The following WASF2 variants were observed in gnomAD, a reference collection of about 807,000 sequenced individuals.
The protein encoded by WASF2 is actin-binding protein WASF2.
In WASF2, 14 loss-of-function variants were observed where a neutral mutation model predicts 45.0. That is an observed-to-expected ratio of 0.31 (90% confidence interval 0.21 to 0.49). The LOEUF (loss-of-function observed/expected upper bound fraction) is 0.49, where lower values mean the gene tolerates loss of function less well. Among genes scored for constraint, WASF2 ranks in the 20% least tolerant of loss-of-function variants. The pLI, the probability that WASF2 is intolerant of heterozygous loss-of-function variation, is 0.99. For synonymous variants in WASF2, 200 were observed against 236.3 expected, an observed-to-expected ratio of 0.85 and a Z score of 1.41; for missense variants, 439 against 636.1, an observed-to-expected ratio of 0.69 and a Z score of 3.33.
At chr1:27,451,101 A>G (rs2017378455) in intron 1 of WASF2, among the ~76,000 whole-genome samples, 1 of 152,150 alleles carries the variant, frequency 6.6e-6, no homozygotes, top group African/African-American at 2.4e-5. Flanking sequence ...GTAATATACA[A>G]TTATTTGTTC....
intron 1 of WASF2, among the ~76,000 whole-genome samples, chr1:27,442,562 T>C (rs1303843461): frequency 1.4e-5 from 2 of 146,588 alleles, no homozygotes; most frequent in Non-Finnish European, 3.0e-5. Context: ...AAAGTTAAAA[T>C]TAAAAATAAA....
At chr1:27,467,324 T>C (rs2017628030) in intron 1 of WASF2, among the ~76,000 whole-genome samples, 1 of 149,506 alleles carries the variant, frequency 6.7e-6, no homozygotes, top group East Asian at 1.9e-4. Flanking sequence ...TTTCTGTTTT[T>C]TTTTTTTGAG....
chr1:27,405,827 G>A lies in WASF2; in HGVS notation c.*2362C>T, dbSNP rs886307111. 4 of 152,584 alleles carry A rather than the reference G, an allele frequency of 2.6e-5. No individual in the cohort carries two copies. Among genetic ancestry groups the A allele is most frequent in the African/African-American group, 9.6e-5 (4 of 41,494 alleles). 9.5% of individuals were successfully genotyped at this position (152,584 alleles called of 1,614,324 possible). ...ATCATTACCAAACCAACTGTAGGAT[G>A]AGAACATAGCACATCGAAACCCTAG... On this transcript the variant is annotated 3_prime_UTR_variant, in exon 9 of 9. Coordinates refer to ENST00000618852, the MANE Select transcript of WASF2 (RefSeq NM_006990.5).
At chr1:27,459,973 T>TA (rs1346753108) in intron 1 of WASF2, among the ~76,000 whole-genome samples, 1 of 152,226 alleles carries the variant, frequency 6.6e-6, no homozygotes, top group Non-Finnish European at 1.5e-5. Flanking sequence ...AGAACAGTGT[T>TA]ACTGCAAATA....
chr1:27,462,980 T>C (rs944167121), intron 1 of WASF2, among the ~76,000 whole-genome samples: 2 of 151,978 alleles, frequency 1.3e-5, no homozygotes, highest in African/African-American at 4.8e-5. Context: ...CCACCATGCC[T>C]GGCTAATTTT....
At chr1:27,463,804 ATT>A (rs1553151290) in intron 1 of WASF2, among the ~76,000 whole-genome samples, 5 of 137,160 alleles carry the variant, frequency 3.6e-5, no homozygotes, top group Non-Finnish European at 4.7e-5. Flanking sequence ...TATTATTATT[ATT>A]TTTTTTTTTT....
At chr1:27,453,431 A>G (rs900845139) in intron 1 of WASF2, among the ~76,000 whole-genome samples, 1 of 151,716 alleles carries the variant, frequency 6.6e-6, no homozygotes, top group Non-Finnish European at 1.5e-5. Flanking sequence ...GTGTCCACTA[A>G]AAATACAAAA....
intron 1 of WASF2, among the ~76,000 whole-genome samples, chr1:27,474,177 T>C (rs910543372): frequency 1.3e-5 from 2 of 152,174 alleles, no homozygotes; most frequent in Non-Finnish European, 2.9e-5. Context: ...TGGCCATGAG[T>C]TGATACTTGT....
chr1:27,472,617 TCCAGCCTGGGTGACA>T (rs1477597557), intron 1 of WASF2, among the ~76,000 whole-genome samples: 2 of 114,728 alleles, frequency 1.7e-5, no homozygotes, highest in Non-Finnish European at 3.2e-5. Flanking sequence ...ACTCCAGCAC[TCCAGCCTGGGTGACA>T]CAGTGAAACC....
chr1:27,450,627 A>G (rs1416446579), intron 1 of WASF2, among the ~76,000 whole-genome samples: 2 of 152,046 alleles, frequency 1.3e-5, no homozygotes, highest in Non-Finnish European at 2.9e-5. Flanking sequence ...CAGCCTCCTG[A>G]GTAGCTGGGA....
At chr1:27,415,875 C>G in intron 5 of WASF2, 110 bp downstream of exon 5, 4 of 886,620 alleles carry the variant, frequency 4.5e-6, no homozygotes, top group Non-Finnish European at 7.1e-6. Flanking sequence ...ACCTGGCATC[C>G]AAGCAAGCAG....
Position 27,405,135 on chromosome 1 carries a change from T to G in WASF2, c.*3054A>C, listed in dbSNP as rs2016647557. 6.6e-6 allele frequency: 1 copy of G among 152,170 alleles called. No individual in the cohort carries two copies. The highest frequency in any genetic ancestry group is 1.5e-5 in the Non-Finnish European group (1 of 68,060). 9.4% of individuals were successfully genotyped at this position (152,170 alleles called of 1,614,324 possible). A position where few individuals can be genotyped will look rare whatever the true frequency, so the allele number is the denominator to read the frequency against. ...AGAGGATGGGCGCCACGGGAAGAGATTTCACATTAGCCGTGACAACACCGC... is the reference window on the plus strand; with the variant it reads ...AGAGGATGGGCGCCACGGGAAGAGAGTTCACATTAGCCGTGACAACACCGC... On this transcript the variant is annotated 3_prime_UTR_variant, in exon 9 of 9. Coordinates refer to ENST00000618852, the MANE Select transcript of WASF2 (RefSeq NM_006990.5).
chr1:27,412,652 T>C lies in WASF2; in HGVS notation c.744A>G (p.Pro248=), dbSNP rs143365447. The change falls in exon 7 of 9, where the codon CCA becomes CCG. Residue 248 remains proline (P), a synonymous_variant. Transcript: ENST00000618852. ...AAGAAGCAGAGTCTGACTGTGGTGGTGGCGGATAGCTACTTGCATCCACGT... is the reference window on the plus strand; with the variant it reads ...AAGAAGCAGAGTCTGACTGTGGTGGCGGCGGATAGCTACTTGCATCCACGT... ...VENVDASSYP[P]PPQSDSASSP... The C allele has an allele frequency of 3.5e-5, 56 of 1,614,114 alleles. No homozygotes were observed. The African/African-American group carries it at 6.4e-4, about 18-fold the overall frequency.
chr1:27,419,726 T>C (rs1165530640), intron 2 of WASF2, among the ~76,000 whole-genome samples: 1 of 152,190 alleles, frequency 6.6e-6, no homozygotes, highest in Non-Finnish European at 1.5e-5. Context: ...GTTCTACGTA[T>C]CTAAAATTAA....
intron 1 of WASF2, among the ~76,000 whole-genome samples, chr1:27,482,546 T>C (rs187049852): frequency 3.9e-4 from 60 of 152,324 alleles, no homozygotes; most frequent in Admixed American, 1.8e-3. Context: ...GCAAGGTAGG[T>C]AGTAATAGTC....
At chr1:27,426,893 G>T (rs2016988979) in intron 2 of WASF2, among the ~76,000 whole-genome samples, 1 of 152,252 alleles carries the variant, frequency 6.6e-6, no homozygotes, top group South Asian at 2.1e-4. Context: ...TTACTGAGAA[G>T]ATTAAATGAG....
At chr1:27,456,313 C>A in intron 1 of WASF2, among the ~76,000 whole-genome samples, 2 of 45,854 alleles carry the variant, frequency 4.4e-5, no homozygotes, top group Admixed American at 3.4e-4. Flanking sequence ...CAGAGCGAGA[C>A]TCTAAAAAAA....
At chr1:27,412,770 T>C (rs568420494) in intron 6 of WASF2, 43 bp from the exon 7 acceptor site, 1 of 1,610,072 alleles carries the variant, frequency 6.2e-7, no homozygotes, top group South Asian at 1.1e-5. Context: ...TTAAAGAGCC[T>C]GAGTGGGTTT....
intron 1 of WASF2, among the ~76,000 whole-genome samples, chr1:27,443,929 C>T (rs952967598): frequency 1.3e-5 from 2 of 151,814 alleles, no homozygotes; most frequent in African/African-American, 2.4e-5. Flanking sequence ...TACAGGCACC[C>T]ACCACCACAC....
Sources: allele counts gnomAD v4.1 joint callset (sites outside exome capture counted in the v4.1 genomes callset), GRCh38; gene constraint gnomAD v4.1.1; transcripts MANE v1.5; gene names NCBI Gene and HGNC (gene_info 2026-07-23, HGNC 2026-07-21).